DMGDH: variants seen among roughly 807,000 people sequenced by gnomAD.
The protein encoded by DMGDH is dimethylglycine dehydrogenase, mitochondrial.
In DMGDH, 76 loss-of-function variants were observed where a neutral mutation model predicts 95.2. That is an observed-to-expected ratio of 0.80 (90% CI 0.66 to 0.97). The LOEUF (loss-of-function observed/expected upper bound fraction) is 0.97. DMGDH is among the 50% of genes least tolerant of loss of function. The pLI, the probability that DMGDH is intolerant of heterozygous loss-of-function variation, is 0.00. For synonymous variants in DMGDH, 345 were observed against 377.6 expected (o/e 0.91, Z 1.00); for missense variants, 987 against 1,055.0 (o/e 0.94, Z 0.89).
intron 15 of DMGDH, among the ~76,000 whole-genome samples, chr5:78,999,695 T>G (rs1753421034): frequency 6.6e-6 from 1 of 152,218 alleles, no homozygotes; most frequent in Non-Finnish European, 1.5e-5. Flanking sequence ...AGAAAACTTT[T>G]TGACTGTGAA....
chr5:79,003,819 C>T (rs992496441), intron 15 of DMGDH, among the ~76,000 whole-genome samples: 1 of 152,056 alleles, frequency 6.6e-6, no homozygotes, highest in African/African-American at 2.4e-5. Context: ...TGGTGGCACG[C>T]ACCTGTAAAC....
chr5:79,013,762 C>T (rs1200624971), intron 14 of DMGDH, among the ~76,000 whole-genome samples: 2 of 152,218 alleles, frequency 1.3e-5, no homozygotes, highest in South Asian at 4.1e-4. Flanking sequence ...GCATGTCTTA[C>T]ATGGCAGGAG....
At chr5:79,061,350 C>G (rs1755207342) in intron 2 of DMGDH, among the ~76,000 whole-genome samples, 1 of 151,904 alleles carries the variant, frequency 6.6e-6, no homozygotes, top group Non-Finnish European at 1.5e-5. Flanking sequence ...AATCAACTTC[C>G]TAGGACAACT....
intron 5 of DMGDH, among the ~76,000 whole-genome samples, chr5:79,046,124 T>C (rs1261525268): frequency 6.6e-6 from 1 of 152,022 alleles, no homozygotes; most frequent in African/African-American, 2.4e-5. Flanking sequence ...TCTTGCTCTG[T>C]TGCACAGGCT....
At chr5:79,000,620 CA>C in intron 15 of DMGDH, 1 of 616,994 alleles carries the variant, frequency 1.6e-6, no homozygotes, top group South Asian at 1.4e-5. Flanking sequence ...TCTTCACATT[CA>C]ACATCTTCCT....
At chr5:79,032,261 G>GTGCAC (rs1754200754) in intron 9 of DMGDH, among the ~76,000 whole-genome samples, 1 of 152,224 alleles carries the variant, frequency 6.6e-6, no homozygotes, top group Non-Finnish European at 1.5e-5. Flanking sequence ...ACACACTCTA[G>GTGCAC]AAAGCAGTTG....
At chr5:79,032,208 A>T (rs1754198146) in intron 9 of DMGDH, among the ~76,000 whole-genome samples, 1 of 152,240 alleles carries the variant, frequency 6.6e-6, no homozygotes, top group East Asian at 1.9e-4. Flanking sequence ...ATGCTATGCA[A>T]ATGACCTTAT....
At chr5:79,064,874 C>T (rs1465264675) in intron 1 of DMGDH, among the ~76,000 whole-genome samples, 1 of 152,166 alleles carries the variant, frequency 6.6e-6, no homozygotes, top group Non-Finnish European at 1.5e-5. Context: ...CTCAGCCTCC[C>T]ATGTAGCTGG....
At chr5:79,043,445 G>A (rs887951637) in intron 6 of DMGDH, among the ~76,000 whole-genome samples, 2 of 152,194 alleles carry the variant, frequency 1.3e-5, no homozygotes, top group Non-Finnish European at 2.9e-5. Context: ...CCAAAGCCCT[G>A]AAACCAGCTG....
intron 14 of DMGDH, among the ~76,000 whole-genome samples, chr5:79,008,989 T>C (rs373917693): frequency 1.3e-5 from 2 of 152,176 alleles, no homozygotes; most frequent in East Asian, 3.9e-4. Context: ...CCTGCACCTT[T>C]AGATTTTATC....
intron 6 of DMGDH, 96 bp from the exon 7 acceptor site, chr5:79,042,577 G>A: frequency 8.2e-7 from 1 of 1,217,342 alleles, no homozygotes; most frequent in South Asian, 1.2e-5. Context: ...ATTTAAAGAT[G>A]GCCTGTTAGG....
chr5:79,033,858 G>T (rs1417247692), intron 7 of DMGDH, among the ~76,000 whole-genome samples: 2 of 152,196 alleles, frequency 1.3e-5, no homozygotes, highest in African/African-American at 2.4e-5. Context: ...CTTGAGCCTA[G>T]GCGGTAGAGG....
rs574585265 is a variant in DMGDH at position 79,001,000 on chromosome 5, T to A, written c.2386-2703A>T. On this transcript the variant is annotated intron_variant, in intron 15 of 15. Coordinates refer to ENST00000255189, the MANE Select transcript of DMGDH (RefSeq NM_013391.3). ...TTGGGGTCATCTATATCGTAGCTAA[T>A]TCTAATACAAAATATTTTGGCACAG... is the stretch of plus-strand genomic sequence containing the variant. 64 of 702,578 alleles carry A rather than the reference T, an allele frequency of 9.1e-5. No individual in the cohort carries two copies. The Middle Eastern group carries it at 2.0e-3, about 21-fold the overall frequency. 43.5% of individuals were successfully genotyped at this position (702,578 alleles called of 1,614,324 possible).
intron 14 of DMGDH, chr5:79,020,774 A>T (rs1185016316): frequency 5.1e-6 from 5 of 984,594 alleles, no homozygotes; most frequent in Non-Finnish European, 6.0e-6. Context: ...AGAAGGAGAG[A>T]GTGAGAAAAA....
intron 15 of DMGDH, chr5:79,000,443 G>C (rs920516414): frequency 3.2e-6 from 2 of 620,440 alleles, no homozygotes; most frequent in African/African-American, 1.8e-5. Flanking sequence ...ATTTTCACCT[G>C]TTTGGGACAA....
intron 14 of DMGDH, among the ~76,000 whole-genome samples, chr5:79,017,466 A>T (rs1038663920): frequency 6.6e-6 from 1 of 152,358 alleles, no homozygotes; most frequent in Admixed American, 6.5e-5. Flanking sequence ...ACATCACTAC[A>T]TATCTCTTAG....
chr5:79,057,850 G>A (rs781629698), intron 2 of DMGDH, among the ~76,000 whole-genome samples: 2 of 152,088 alleles, frequency 1.3e-5, no homozygotes, highest in Non-Finnish European at 2.9e-5. Flanking sequence ...CTGGCCTAGG[G>A]TACTGATCAC....
intron 15 of DMGDH, chr5:79,000,129 A>C: frequency 2.1e-6 from 1 of 486,906 alleles, no homozygotes; most frequent in Non-Finnish European, 4.0e-6. Flanking sequence ...TTTTTTTTCC[A>C]AAGCCTTAGA....
chr5:79,014,424 A>C (rs1753693521), intron 14 of DMGDH, among the ~76,000 whole-genome samples: 1 of 152,242 alleles, frequency 6.6e-6, no homozygotes. Flanking sequence ...TAGAGTTTTC[A>C]TAATAGATTT....
Sources: allele counts gnomAD v4.1 joint callset (sites outside exome capture counted in the v4.1 genomes callset), GRCh38; gene constraint gnomAD v4.1.1; transcripts MANE v1.5; gene names NCBI Gene and HGNC (gene_info 2026-07-23, HGNC 2026-07-21).